MYO10: variants seen among roughly 807,000 people sequenced by gnomAD.
MYO10 encodes the protein myosin X, also known as unconventional myosin-X.
A neutral mutation model predicts 257.3 loss-of-function variants in MYO10; 133 were observed. The ratio of observed to expected loss-of-function variants is 0.52; its 90% confidence interval spans 0.45 to 0.60. MYO10 has a LOEUF of 0.60. Ranked by LOEUF, MYO10 falls within the 20% of genes least tolerant of loss-of-function variation. The pLI, the probability that MYO10 is intolerant of heterozygous loss-of-function variation, is 0.00. For synonymous variants in MYO10, 1,104 were observed against 1,028.6 expected (o/e 1.07, Z -1.40); for missense variants, 2,399 against 2,635.7 (o/e 0.91, Z 1.97).
At chr5:16,709,586 G>C (rs1738500150) in intron 21 of MYO10, among the ~76,000 whole-genome samples, 2 of 152,096 alleles carry the variant, frequency 1.3e-5, no homozygotes, top group Admixed American at 1.3e-4. Context: ...AAAACACAGG[G>C]AAATGAATTT....
chr5:16,870,069 A>G (rs1158613130), intron 2 of MYO10, among the ~76,000 whole-genome samples: 1 of 151,332 alleles, frequency 6.6e-6, no homozygotes, highest in Non-Finnish European at 1.5e-5. Context: ...TTAGACACAC[A>G]TGGCTCTGCT....
chr5:16,795,728 C>G (rs986151954), intron 3 of MYO10, among the ~76,000 whole-genome samples: 1 of 151,982 alleles, frequency 6.6e-6, no homozygotes, highest in African/African-American at 2.4e-5. Context: ...AGGCTAGTCT[C>G]GAACTCCTGG....
At position 16,666,668 on chromosome 5, in the gene MYO10, A is replaced by G. The variant is rs1436877257; in HGVS notation, c.*24T>C. The G allele has an allele frequency of 3.2e-6, 5 of 1,568,998 alleles. No homozygotes were observed. Among genetic ancestry groups the G allele is most frequent in the Non-Finnish European group, 3.5e-6 (4 of 1,158,310 alleles). On this transcript the variant is annotated 3_prime_UTR_variant, in exon 41 of 41. Coordinates refer to ENST00000513610, the MANE Select transcript of MYO10 (RefSeq NM_012334.3). ...AGAGGGTGGTGCGTTCAGGTAGCAAAGACAGGTGGGCTCTGTCCCGCCTTC... is the reference window on the plus strand; with the variant it reads ...AGAGGGTGGTGCGTTCAGGTAGCAAGGACAGGTGGGCTCTGTCCCGCCTTC...
chr5:16,751,228 C>T (rs762763165), intron 19 of MYO10, among the ~76,000 whole-genome samples: 4 of 151,794 alleles, frequency 2.6e-5, no homozygotes, highest in Admixed American at 6.6e-5. Flanking sequence ...ATTTTTCCTG[C>T]GAAATTTCTA....
At chr5:16,713,549 A>C in intron 19 of MYO10, 8 of 601,698 alleles carry the variant, frequency 1.3e-5, no homozygotes, top group Non-Finnish European at 1.5e-5. Flanking sequence ...TGACACAGCC[A>C]GGGGAGGGGA....
chr5:16,675,065 G>C lies in MYO10; in HGVS notation c.4752C>G (p.Asp1584Glu). Residue 1584 changes from aspartate (D) to glutamate (E), a missense_variant, in exon 35 of 41, where the codon GAC (aspartate) becomes GAG (glutamate). Transcript: ENST00000513610. Reference protein sequence around the residue: ...NSLQQLESMSDPIPIIQGILQ... With the variant: ...NSLQQLESMSEPIPIIQGILQ... ...GGATGCCCTGGATTATTGGAATTGG[G>C]TCAGACATGGACTCCAGTTGCTGCA... The C allele has an allele frequency of 1.9e-6, 3 of 1,613,946 alleles. No homozygotes were observed. The highest frequency in any genetic ancestry group is 2.5e-6 in the Non-Finnish European group (3 of 1,179,894).
At chr5:16,861,674 T>A (rs1744113571) in intron 2 of MYO10, among the ~76,000 whole-genome samples, 1 of 152,128 alleles carries the variant, frequency 6.6e-6, no homozygotes, top group Non-Finnish European at 1.5e-5. Flanking sequence ...TAAATGTCAT[T>A]GCAAGAAAGC....
chr5:16,862,750 T>C (rs1023948107), intron 2 of MYO10, among the ~76,000 whole-genome samples: 3 of 152,180 alleles, frequency 2.0e-5, no homozygotes, highest in African/African-American at 4.8e-5. Flanking sequence ...TACAAGACAG[T>C]AGCCCACTTA....
At chr5:16,927,474 G>A (rs972753006) in intron 1 of MYO10, among the ~76,000 whole-genome samples, 1 of 152,118 alleles carries the variant, frequency 6.6e-6, no homozygotes, top group Non-Finnish European at 1.5e-5. Flanking sequence ...ACAGGTGCCA[G>A]CCACCACGCC....
At chr5:16,710,672 G>A in intron 21 of MYO10, 1 of 554,768 alleles carries the variant, frequency 1.8e-6, no homozygotes, top group Non-Finnish European at 3.2e-6. Flanking sequence ...CAATTAGGAT[G>A]AGATGTTTCA....
chr5:16,670,472 TG>T, intron 39 of MYO10, 53 bp downstream of exon 39: 1 of 1,461,962 alleles, frequency 6.8e-7, no homozygotes, highest in Admixed American at 2.0e-5. Context: ...CCGTGATCCA[TG>T]TTCTCAGATG....
chr5:16,904,934 A>C (rs1395196507), intron 1 of MYO10, among the ~76,000 whole-genome samples: 2 of 152,186 alleles, frequency 1.3e-5, no homozygotes, highest in African/African-American at 4.8e-5. Context: ...ATCTCAAAAA[A>C]AAAGAAGTGT....
chr5:16,674,169 A>C (rs1579796484), intron 35 of MYO10, among the ~76,000 whole-genome samples: 1 of 152,178 alleles, frequency 6.6e-6, no homozygotes, highest in African/African-American at 2.4e-5. Context: ...GCCTCATCCT[A>C]TCATATGAAA....
chr5:16,780,789 T>A (rs1470122689), intron 6 of MYO10, 48 bp from the exon 7 acceptor site: 2 of 1,529,124 alleles, frequency 1.3e-6, no homozygotes. Flanking sequence ...CAAAGCTATG[T>A]GCCATGCTCA....
At chr5:16,708,997 C>T (rs1738471714) in intron 21 of MYO10, among the ~76,000 whole-genome samples, 1 of 152,204 alleles carries the variant, frequency 6.6e-6, no homozygotes. Context: ...AGTTTTTCAG[C>T]ACCTCATAGA....
intron 1 of MYO10, among the ~76,000 whole-genome samples, chr5:16,918,937 A>T (rs2126798829): frequency 6.6e-6 from 1 of 152,302 alleles, no homozygotes; most frequent in Middle Eastern, 3.4e-3. Context: ...TGGCTATAGG[A>T]AAATTTCTAT....
intron 9 of MYO10, among the ~76,000 whole-genome samples, chr5:16,776,484 G>A (rs191571784): frequency 5.5e-4 from 83 of 152,066 alleles, no homozygotes; most frequent in Middle Eastern, 3.4e-3. Flanking sequence ...GATATTTAAG[G>A]ATCTATAAAT....
intron 1 of MYO10, chr5:16,902,682 G>A: frequency 2.0e-6 from 2 of 994,984 alleles, no homozygotes; most frequent in Non-Finnish European, 1.6e-6. Context: ...CTAATTTTTT[G>A]TATTTTTAGT....
At chr5:16,860,750 C>T (rs1198958133) in intron 2 of MYO10, among the ~76,000 whole-genome samples, 23 of 147,324 alleles carry the variant, frequency 1.6e-4, no homozygotes, top group Admixed American at 1.5e-3. Context: ...CCGTGATGAA[C>T]GATGGGTGGG....
Sources: allele counts gnomAD v4.1 joint callset (sites outside exome capture counted in the v4.1 genomes callset), GRCh38; gene constraint gnomAD v4.1.1; transcripts MANE v1.5; gene names NCBI Gene and HGNC (gene_info 2026-07-23, HGNC 2026-07-21).